FHIP2B: variants seen among roughly 807,000 people sequenced by gnomAD.
FHIP2B encodes the protein FHF complex subunit HOOK interacting protein 2B, also known as FHF complex subunit HOOK-interacting protein 2B.
Under a neutral mutation model 84.0 loss-of-function variants are expected in FHIP2B, and 72 were observed. The observed-to-expected ratio is 0.86, with a 90% CI of 0.71 to 1.04. The LOEUF (loss-of-function observed/expected upper bound fraction) is 1.04. Ranked by LOEUF, FHIP2B falls within the 50% of genes least tolerant of loss-of-function variation. FHIP2B has a pLI of 0.00. For synonymous variants in FHIP2B, 497 were observed against 418.7 expected (o/e 1.19, Z -2.28); for missense variants, 972 against 968.9 (o/e 1.00, Z -0.04).
Position 22,089,166 on chromosome 8 carries a change from CG to C in FHIP2B, c.-84del. On this transcript the variant is annotated 5_prime_UTR_variant, in exon 1 of 17. Transcript: ENST00000289921. ...CCGGGCCCCGCCCCCCTCGTCGCGCCGGGGCCGCCGGGGCCACGGGGCTGCC... is the reference window on the plus strand; with the variant it reads ...CCGGGCCCCGCCCCCCTCGTCGCGCCGGGCCGCCGGGGCCACGGGGCTGCC... The C allele has an allele frequency of 1.3e-5, 11 of 877,078 alleles. No individual in the cohort carries two copies. Among genetic ancestry groups the C allele is most frequent in the East Asian group, 8.3e-5 (1 of 12,012 alleles). The allele number at this position is 877,078 out of a possible 1,614,324, so 54.3% of individuals were successfully genotyped here. A position where few individuals can be genotyped will look rare whatever the true frequency, so the allele number is the denominator to read the frequency against.
intron 10 of FHIP2B, chr8:22,100,183 C>T: frequency 4.6e-6 from 2 of 434,690 alleles, no homozygotes; most frequent in East Asian, 9.1e-5. Flanking sequence ...ATCCTCTCAC[C>T]TCAGCCTCCT....
intron 14 of FHIP2B, 86 bp from the exon 15 acceptor site, chr8:22,102,089 C>G: frequency 7.5e-6 from 12 of 1,606,138 alleles, no homozygotes; most frequent in Non-Finnish European, 9.3e-6. Context: ...CACACACGTT[C>G]ACAGTGGCCA....
Position 22,102,909 on chromosome 8 carries a change from C to G in FHIP2B, c.2210C>G (p.Pro737Arg). 6.2e-7 allele frequency: 1 copy of G among 1,613,596 alleles called. No homozygotes were observed. Among genetic ancestry groups the G allele is most frequent in the South Asian group, 1.1e-5 (1 of 91,080 alleles). Residue 737 changes from proline to arginine, a missense_variant, in exon 17 of 17, where the codon CCA becomes CGA. Pro to Arg is a moderately radical substitution (Grantham distance 103). Coordinates refer to ENST00000289921, the MANE Select transcript of FHIP2B (RefSeq NM_022749.7). ...PPHDPRQNVS[P>R]APEGQV is the part of the protein sequence containing the mutation. Reference sequence around the variant, plus strand: ...CATGATCCTCGCCAGAACGTCTCCCCAGCCCCGGAAGGGCAGGTCTGAGCC... The same window carrying G: ...CATGATCCTCGCCAGAACGTCTCCCGAGCCCCGGAAGGGCAGGTCTGAGCC...
rs1347235691 is a variant in FHIP2B, at chr8:22,101,873, G to A, written c.1851+22G>A. On this transcript the variant is annotated intron_variant, in intron 14 of 16. Transcript: ENST00000289921. ...TCAGGTAGCTAGTGGGCCTGGGCCA[G>A]GAGAACTCCAGGCTGGTGCCTCTGG... 6.8e-6 allele frequency: 11 copies of A among 1,611,114 alleles called. No homozygotes were observed. In the Admixed American group the frequency reaches 1.2e-4, roughly 17 times the overall value.
chr8:22,100,053 A>T, intron 10 of FHIP2B, 160 bp downstream of exon 10: 2 of 667,884 alleles, frequency 3.0e-6, no homozygotes, highest in Non-Finnish European at 4.6e-6. Context: ...CTAATTTTCT[A>T]TGATCATATA....
intron 1 of FHIP2B, 93 bp from the exon 2 acceptor site, chr8:22,094,347 A>G (rs1324318810): frequency 3.3e-5 from 44 of 1,328,398 alleles, no homozygotes; most frequent in Non-Finnish European, 3.3e-5. Flanking sequence ...GAGGCCTAGC[A>G]TGAACCTGAC....
chr8:22,102,236 C>G lies in FHIP2B; in HGVS notation c.1913C>G (p.Pro638Arg). Residue 638 changes from proline (P) to arginine (R), a missense_variant, in exon 15 of 17, where the codon CCC (proline) becomes CGC (arginine). Coordinates refer to ENST00000289921, the MANE Select transcript of FHIP2B (RefSeq NM_022749.7). Reference sequence around the variant, plus strand: ...TCCCGGCTTGCCCTCTTCCCCCACCCCCATATTCATGAGTACCTGCTGGAT... The same window carrying G: ...TCCCGGCTTGCCCTCTTCCCCCACCGCCATATTCATGAGTACCTGCTGGAT... ...VLSRLALFPH[P>R]HIHEYLLDPY... 2 of 1,613,410 alleles carry G rather than the reference C, an allele frequency of 1.2e-6. No homozygotes were observed. Among genetic ancestry groups the G allele is most frequent in the Non-Finnish European group, 1.7e-6 (2 of 1,179,880 alleles).
intron 2 of FHIP2B, chr8:22,094,782 A>G: frequency 1.6e-6 from 2 of 1,270,880 alleles, no homozygotes; most frequent in South Asian, 3.7e-5. Flanking sequence ...TGGGGGTCTC[A>G]CTGGCCTGAC....
intron 12 of FHIP2B, 113 bp downstream of exon 12, chr8:22,101,085 G>A (rs569689526): frequency 8.8e-6 from 12 of 1,367,568 alleles, no homozygotes; most frequent in Middle Eastern, 2.2e-4. Context: ...GTACAATCTC[G>A]GCTCACTGCA....
In FHIP2B at chr8:22,102,949, G is replaced by A. The variant is rs1181359177; in HGVS notation, c.*18G>A. 5.0e-6 allele frequency: 8 copies of A among 1,610,726 alleles called. No homozygotes were observed. Among genetic ancestry groups the A allele is most frequent in the East Asian group, 2.2e-5 (1 of 44,846 alleles). ...AGGTCTGAGCCAGCACCAGGGCGGTGGGAGACTCCTGTCCACACCTCTGCC... is the reference window on the plus strand; with the variant it reads ...AGGTCTGAGCCAGCACCAGGGCGGTAGGAGACTCCTGTCCACACCTCTGCC... On this transcript the variant is annotated 3_prime_UTR_variant, in exon 17 of 17. Coordinates refer to ENST00000289921, the MANE Select transcript of FHIP2B (RefSeq NM_022749.7).
rs764723609 is a variant in FHIP2B at position 22,094,508 on chromosome 8, C to T, written c.114C>T (p.Ile38=). ...GGAAGGGCATCACGCACTACTACATCGAGAGCACAGGTGCGGCCTGGCCCT... is the reference window on the plus strand; with the variant it reads ...GGAAGGGCATCACGCACTACTACATTGAGAGCACAGGTGCGGCCTGGCCCT... The part of the protein sequence containing the change: ...EHWKGITHYY[I]ESTDESTPAK... Residue 38 remains isoleucine (I), a synonymous_variant, in exon 2 of 17, where the codon ATC becomes ATT. Transcript: ENST00000289921. 4 of 1,611,090 alleles carry T rather than the reference C, an allele frequency of 2.5e-6. No individual in the cohort carries two copies. Among genetic ancestry groups the T allele is most frequent in the East Asian group, 2.2e-5 (1 of 44,446 alleles).
rs1826299947 is a variant in FHIP2B at position 22,104,695 on chromosome 8, G to T, written c.*1764G>T. 6.6e-6 allele frequency: 1 copy of T among 152,150 alleles called. No homozygotes were observed. The highest frequency in any genetic ancestry group is 2.1e-4 in the South Asian group (1 of 4,822). 9.4% of individuals were successfully genotyped at this position (152,150 alleles called of 1,614,324 possible). On this transcript the variant is annotated 3_prime_UTR_variant, in exon 17 of 17. Coordinates refer to ENST00000289921, the MANE Select transcript of FHIP2B (RefSeq NM_022749.7). ...CTGTGTGCAAGTCTCATTTGGGTGT[G>T]TTTATGCTGCGTGTTGTATGCCTGT...
rs757799214 is a variant in FHIP2B at position 22,100,577 on chromosome 8, C to A, written c.1342-17C>A. On this transcript the variant is annotated splice_polypyrimidine_tract_variant and intron_variant, in intron 10 of 16. Coordinates refer to ENST00000289921, the MANE Select transcript of FHIP2B (RefSeq NM_022749.7). ...GGTGGGGAAGGGGCTATCCTGCCGA[C>A]CCCCTTCCTGCTCCAGATCAGCATC... 6 of 1,525,170 alleles carry A rather than the reference C, an allele frequency of 3.9e-6. No individual in the cohort carries two copies. The highest frequency in any genetic ancestry group is 2.3e-5 in the East Asian group (1 of 43,418). The allele number at this position is 1,525,170 out of a possible 1,614,324, so 94.5% of individuals were successfully genotyped here. A position where few individuals can be genotyped will look rare whatever the true frequency, so the allele number is the denominator to read the frequency against.
chr8:22,099,187 C>A, intron 8 of FHIP2B, 97 bp from the exon 9 acceptor site: 2 of 1,529,868 alleles, frequency 1.3e-6, no homozygotes, highest in Non-Finnish European at 1.8e-6. Context: ...CGGGCCGGGA[C>A]CCTCTCCTGT....
chr8:22,102,369 G>C, intron 15 of FHIP2B, 54 bp downstream of exon 15: 2 of 1,598,254 alleles, frequency 1.3e-6, no homozygotes, highest in South Asian at 2.2e-5. Flanking sequence ...GGGGACATCA[G>C]GGAAAGGGAA....
At position 22,098,368 on chromosome 8, in the gene FHIP2B, G is replaced by A. The variant is rs188321970; in HGVS notation, c.769-55G>A. On this transcript the variant is annotated intron_variant, in intron 6 of 16. Transcript: ENST00000289921. ...GGGGGAAGGGTGGGTTGACGGCTGG[G>A]GGGTGATTTGGGGGCTCACATGCAT... is the stretch of plus-strand genomic sequence containing the variant. 9.8e-5 allele frequency: 151 copies of A among 1,545,580 alleles called. 1 individual carries two copies. The Admixed American group carries it at 2.8e-3, about 28-fold the overall frequency.
intron 1 of FHIP2B, among the ~76,000 whole-genome samples, chr8:22,090,300 C>A (rs552330290): frequency 6.6e-6 from 1 of 152,192 alleles, no homozygotes; most frequent in African/African-American, 2.4e-5. Context: ...GTTTCACCCT[C>A]CTTCCTCCCC....
At chr8:22,100,193 T>TA in intron 10 of FHIP2B, 1 of 417,926 alleles carries the variant, frequency 2.4e-6, no homozygotes, top group Non-Finnish European at 4.2e-6. Context: ...CTCAGCCTCC[T>TA]AAAGTGCTGG....
At chr8:22,100,816 G>C in intron 11 of FHIP2B, 28 bp from the exon 12 acceptor site, 5 of 1,613,698 alleles carry the variant, frequency 3.1e-6, no homozygotes, top group Non-Finnish European at 4.2e-6. Flanking sequence ...TCATTCACTG[G>C]TGCCGTACTG....
Sources: gnomAD v4.1 joint callset for allele counts (sites outside exome capture counted in the v4.1 genomes callset) on GRCh38, gnomAD v4.1.1 for gene constraint, MANE v1.5 for transcripts, NCBI Gene and HGNC (gene_info 2026-07-23, HGNC 2026-07-21) for gene names.